ADCY2: variants seen among roughly 807,000 people sequenced by gnomAD.
ADCY2 encodes adenylate cyclase 2.
A neutral mutation model predicts 125.2 loss-of-function variants in ADCY2; 31 were observed. That is an observed-to-expected ratio of 0.25 (90% CI 0.19 to 0.33). The LOEUF (loss-of-function observed/expected upper bound fraction) is 0.33, where lower values mean the gene tolerates loss of function less well. ADCY2 is among the 10% of genes least tolerant of loss of function. The pLI is 1.00. For missense variants in ADCY2, 904 were observed against 1,418.2 expected, an observed-to-expected ratio of 0.64 and a Z score of 5.82; for synonymous variants, 512 against 548.4, an observed-to-expected ratio of 0.93 and a Z score of 0.93.
chr5:7,417,536 G>C (rs1740002051), intron 2 of ADCY2, among the ~76,000 whole-genome samples: 3 of 152,190 alleles, frequency 2.0e-5, no homozygotes, highest in Admixed American at 2.0e-4. Context: ...AACTTGATGG[G>C]AACATGGAAG....
intron 4 of ADCY2, among the ~76,000 whole-genome samples, chr5:7,627,398 G>C (rs1738170529): frequency 6.6e-6 from 1 of 152,218 alleles, no homozygotes; most frequent in South Asian, 2.1e-4. Context: ...AGAAGCCATA[G>C]AGGGGCCCTG....
At position 7,739,725 on chromosome 5, in the gene ADCY2, G is replaced by C. The variant is rs148457308; in HGVS notation, c.1872-3943G>C. Among the ~76,000 whole-genome samples, 249 of 151,780 alleles carry C rather than the reference G, an allele frequency of 1.6e-3. 2 individuals are homozygous for C. Among genetic ancestry groups the C allele is most frequent in the African/African-American group, 5.7e-3 (235 of 41,502 alleles). ...CAAAGCACCCAAACTAACAATTTAA[G>C]GGAAAAAAGAGGACTCACTACAGAC... On this transcript the variant is annotated intron_variant, in intron 14 of 24. Transcript: ENST00000338316.
intron 3 of ADCY2, among the ~76,000 whole-genome samples, chr5:7,597,658 T>A (rs1737054938): frequency 6.6e-6 from 1 of 152,138 alleles, no homozygotes; most frequent in Non-Finnish European, 1.5e-5. Context: ...GTACCTATAG[T>A]CCCAGCTACT....
At chr5:7,753,448 C>T (rs1742890595) in intron 15 of ADCY2, among the ~76,000 whole-genome samples, 1 of 152,178 alleles carries the variant, frequency 6.6e-6, no homozygotes, top group Non-Finnish European at 1.5e-5. Flanking sequence ...TGACTGGGCT[C>T]ACAGCAGGCA....
At chr5:7,790,962 T>C (rs2126506534) in intron 20 of ADCY2, among the ~76,000 whole-genome samples, 1 of 152,224 alleles carries the variant, frequency 6.6e-6, no homozygotes, top group African/African-American at 2.4e-5. Flanking sequence ...TCTGGTCTTG[T>C]CTTTGTCCAG....
chr5:7,396,628 CAG>C lies in ADCY2; in HGVS notation c.210+123_210+124del. 30 of 652,276 alleles carry C rather than the reference CAG, an allele frequency of 4.6e-5. No homozygotes were observed. The highest frequency in any genetic ancestry group is 6.2e-5 in the Non-Finnish European group (29 of 468,588). 40.4% of individuals were successfully genotyped at this position (652,276 alleles called of 1,614,324 possible). A position where few individuals can be genotyped will look rare whatever the true frequency, so the allele number is the denominator to read the frequency against. ...CCCGCGGCAGCCCCTCGGCCCGCGG[CAG>C]CCCCTCGGCCCGCGGCTCCCTGCTT... On this transcript the variant is annotated intron_variant, in intron 1 of 24. Coordinates refer to ENST00000338316, the MANE Select transcript of ADCY2 (RefSeq NM_020546.3). This position sits in a 1 kb window ranked among gnomAD's most constrained non-coding sequence, Gnocchi z 5.7.
intron 2 of ADCY2, among the ~76,000 whole-genome samples, chr5:7,490,052 A>C (rs1315018451): frequency 6.6e-6 from 1 of 151,998 alleles, no homozygotes; most frequent in Non-Finnish European, 1.5e-5. Context: ...TAGTGGTAAA[A>C]ATTATCATTC....
intron 4 of ADCY2, among the ~76,000 whole-genome samples, chr5:7,685,758 C>T (rs528109921): frequency 6.6e-5 from 10 of 152,056 alleles, no homozygotes; most frequent in Non-Finnish European, 8.8e-5. Flanking sequence ...AAGGAAGATG[C>T]GTGATAGGAG....
At chr5:7,801,392 T>C (rs1744589864) in intron 20 of ADCY2, 1 of 152,250 alleles carries the variant, frequency 6.6e-6, no homozygotes, top group South Asian at 2.1e-4. Context: ...GCATTTCCCA[T>C]GCTGCACTGC....
At chr5:7,767,091 C>T (rs1743406787) in intron 17 of ADCY2, among the ~76,000 whole-genome samples, 1 of 152,184 alleles carries the variant, frequency 6.6e-6, no homozygotes, top group Non-Finnish European at 1.5e-5. Context: ...TATTTCCTAC[C>T]ATATGGCATT....
intron 2 of ADCY2, among the ~76,000 whole-genome samples, chr5:7,461,452 A>T (rs1190861822): frequency 6.6e-5 from 10 of 152,248 alleles, no homozygotes; most frequent in Non-Finnish European, 2.9e-5. Context: ...TATTTTAGGT[A>T]CATTCAGAGT....
At chr5:7,666,081 G>T (rs370160493) in intron 4 of ADCY2, among the ~76,000 whole-genome samples, 1 of 151,234 alleles carries the variant, frequency 6.6e-6, no homozygotes, top group African/African-American at 2.4e-5. Flanking sequence ...CTCGTGATCC[G>T]CCCGCCTTGG....
At chr5:7,727,352 G>A (rs1741963825) in intron 14 of ADCY2, 91 bp downstream of exon 14, 1 of 1,070,982 alleles carries the variant, frequency 9.3e-7, no homozygotes, top group Non-Finnish European at 1.4e-6. Flanking sequence ...GGATGCTAAT[G>A]TTTAGACAGA....
At chr5:7,781,174 AAGG>A (rs1743911906) in intron 18 of ADCY2, among the ~76,000 whole-genome samples, 1 of 152,184 alleles carries the variant, frequency 6.6e-6, no homozygotes, top group South Asian at 2.1e-4. Context: ...TTAAAACATA[AAGG>A]AGAGAGAGAG....
At chr5:7,741,421 T>C (rs62342473) in intron 14 of ADCY2, among the ~76,000 whole-genome samples, 18,596 of 152,124 alleles carry the variant, frequency 0.12, 1,233 homozygotes, top group African/African-American at 0.14. Flanking sequence ...ATTGTGAGGA[T>C]AAAGTGAACT....
intron 22 of ADCY2, among the ~76,000 whole-genome samples, chr5:7,805,457 TGA>T (rs370289821): frequency 8.7e-4 from 130 of 149,888 alleles, no homozygotes; most frequent in Middle Eastern, 6.9e-3. Context: ...TGTGTGTGTG[TGA>T]GAGAGAGAGA....
intron 10 of ADCY2, among the ~76,000 whole-genome samples, chr5:7,712,045 T>C (rs1741457979): frequency 6.6e-6 from 1 of 152,182 alleles, no homozygotes. Context: ...TTGATAGAGC[T>C]CTTGAATAAT....
At chr5:7,679,588 T>C (rs769532549) in intron 4 of ADCY2, among the ~76,000 whole-genome samples, 8 of 152,124 alleles carry the variant, frequency 5.3e-5, no homozygotes, top group Non-Finnish European at 8.8e-5. Flanking sequence ...AAGGGGCAGG[T>C]TCTGAAGTGT....
intron 3 of ADCY2, among the ~76,000 whole-genome samples, chr5:7,613,184 G>C (rs1737630889): frequency 6.6e-6 from 1 of 151,474 alleles, no homozygotes; most frequent in Non-Finnish European, 1.5e-5. Flanking sequence ...TTGCACACAA[G>C]AGCTGTTAAC....
Sources: allele counts gnomAD v4.1 joint callset (sites outside exome capture counted in the v4.1 genomes callset), GRCh38; gene constraint gnomAD v4.1.1; non-coding constraint Gnocchi (gnomAD v3.1); transcripts MANE v1.5; gene names NCBI Gene and HGNC (gene_info 2026-07-23, HGNC 2026-07-21).